The following C3orf20 variants were observed in gnomAD, a reference collection of about 807,000 sequenced individuals.
C3orf20 encodes uncharacterized protein C3orf20.
Under a neutral mutation model 88.3 loss-of-function variants are expected in C3orf20, and 76 were observed. The ratio of observed to expected loss-of-function variants is 0.86; its 90% confidence interval spans 0.72 to 1.04. The LOEUF (loss-of-function observed/expected upper bound fraction) is 1.04. Ranked by LOEUF, C3orf20 falls within the 50% of genes least tolerant of loss-of-function variation. C3orf20 has a pLI of 0.00. For missense variants in C3orf20, 1,056 were observed against 1,123.3 expected, an observed-to-expected ratio of 0.94 and a Z score of 0.86; for synonymous variants, 436 against 437.4, an observed-to-expected ratio of 1.00 and a Z score of 0.04.
intron 12 of C3orf20, among the ~76,000 whole-genome samples, chr3:14,756,343 T>G (rs887821009): frequency 7.2e-5 from 11 of 151,936 alleles, no homozygotes; most frequent in Non-Finnish European, 1.5e-4. Flanking sequence ...AAATATTGGT[T>G]TGAATATTTA....
chr3:14,755,945 C>T (rs1293871585), intron 12 of C3orf20, among the ~76,000 whole-genome samples: 1 of 145,248 alleles, frequency 6.9e-6, no homozygotes, highest in Non-Finnish European at 1.5e-5. Context: ...AGGAGAATGG[C>T]GTGAACCCGG....
intron 5 of C3orf20, among the ~76,000 whole-genome samples, chr3:14,694,241 T>A (rs544001305): frequency 6.6e-6 from 1 of 152,296 alleles, no homozygotes; most frequent in Non-Finnish European, 1.5e-5. Flanking sequence ...CCTCCTCTAT[T>A]TTTCAGAAAA....
At chr3:14,698,033 CTT>C in intron 5 of C3orf20, among the ~76,000 whole-genome samples, 1 of 152,228 alleles carries the variant, frequency 6.6e-6, no homozygotes, top group East Asian at 1.9e-4. Context: ...GTGCATGTGT[CTT>C]TATAGTAGCA....
chr3:14,691,425 A>G (rs998285356), intron 5 of C3orf20, among the ~76,000 whole-genome samples: 1 of 152,198 alleles, frequency 6.6e-6, no homozygotes, highest in Non-Finnish European at 1.5e-5. Flanking sequence ...TGGTGATTTA[A>G]TGACTTTTTC....
chr3:14,702,313 C>T (rs9866369), intron 5 of C3orf20, among the ~76,000 whole-genome samples: 96,554 of 151,938 alleles, frequency 0.64, 30,814 homozygotes, highest in East Asian at 0.67. Flanking sequence ...CAATTACCTC[C>T]CCCTGGGTCC....
At chr3:14,692,131 A>G (rs2032763946) in intron 5 of C3orf20, among the ~76,000 whole-genome samples, 1 of 152,054 alleles carries the variant, frequency 6.6e-6, no homozygotes, top group African/African-American at 2.4e-5. Flanking sequence ...CACTTTCTTC[A>G]TCCATTTATC....
intron 9 of C3orf20, among the ~76,000 whole-genome samples, chr3:14,720,974 C>T (rs898126612): frequency 1.3e-5 from 2 of 152,146 alleles, no homozygotes; most frequent in Non-Finnish European, 2.9e-5. Context: ...CTCAGTAAGG[C>T]GTGAGTTGTT....
intron 5 of C3orf20, among the ~76,000 whole-genome samples, chr3:14,692,114 T>C (rs2032763435): frequency 6.6e-6 from 1 of 152,244 alleles, no homozygotes; most frequent in Non-Finnish European, 1.5e-5. Flanking sequence ...ATTACGTGTA[T>C]GTACCACACT....
intron 8 of C3orf20, 137 bp downstream of exon 8, chr3:14,714,296 A>G (rs1389719071): frequency 3.2e-6 from 3 of 929,214 alleles, no homozygotes; most frequent in Non-Finnish European, 4.9e-6. Flanking sequence ...GCAGTGAGGC[A>G]GGGCTGAGGC....
At chr3:14,686,429 G>A (rs1285063704) in intron 4 of C3orf20, among the ~76,000 whole-genome samples, 1 of 152,156 alleles carries the variant, frequency 6.6e-6, no homozygotes, top group African/African-American at 2.4e-5. Context: ...CATAATGGCA[G>A]CACCAATCTC....
chr3:14,718,737 C>T (rs2034031861), intron 9 of C3orf20, among the ~76,000 whole-genome samples: 1 of 152,220 alleles, frequency 6.6e-6, no homozygotes, highest in South Asian at 2.1e-4. Context: ...AAACCACAAA[C>T]TTTGTTTCAC....
intron 1 of C3orf20, among the ~76,000 whole-genome samples, chr3:14,676,593 A>T (rs2031784033): frequency 6.6e-6 from 1 of 152,140 alleles, no homozygotes; most frequent in Admixed American, 6.5e-5. Flanking sequence ...ACAAACATCG[A>T]TCTTTATACA....
At chr3:14,698,222 AT>A (rs34586736) in intron 5 of C3orf20, among the ~76,000 whole-genome samples, 45,658 of 152,100 alleles carry the variant, frequency 0.3, 7,415 homozygotes, top group South Asian at 0.45. Flanking sequence ...CAAAACAGCT[AT>A]TTTAAATTCT....
intron 15 of C3orf20, 91 bp downstream of exon 15, chr3:14,761,706 G>A: frequency 1.6e-6 from 2 of 1,246,680 alleles, no homozygotes; most frequent in Non-Finnish European, 2.3e-6. Context: ...GAACTGAGGG[G>A]AGCAGGCGGG....
At position 14,682,973 on chromosome 3, in the gene C3orf20, A is replaced by G. The variant is rs759918484; in HGVS notation, c.260A>G (p.Gln87Arg). ...LVVLMEPTFV[Q>R]VPTLKKPLPP... Reference sequence around the variant, plus strand: ...GTGCTCATGGAACCCACCTTTGTGCAGGTCCCCACACTGAAGAAGCCACTA... The same window carrying G: ...GTGCTCATGGAACCCACCTTTGTGCGGGTCCCCACACTGAAGAAGCCACTA... The change falls in exon 3 of 17, where the codon CAG becomes CGG. Residue 87 changes from glutamine (Q) to arginine (R), a missense_variant. Gln to Arg is a conservative substitution (Grantham distance 43). Coordinates refer to ENST00000253697, the MANE Select transcript of C3orf20 (RefSeq NM_032137.5). The G allele has an allele frequency of 1.9e-6, 3 of 1,614,076 alleles. No individual in the cohort carries two copies. Among genetic ancestry groups the G allele is most frequent in the Middle Eastern group, 1.6e-4 (1 of 6,062 alleles).
intron 1 of C3orf20, among the ~76,000 whole-genome samples, chr3:14,676,581 TAACA>T (rs2031783051): frequency 6.6e-6 from 1 of 152,198 alleles, no homozygotes; most frequent in South Asian, 2.1e-4. Flanking sequence ...TAGTATGGTT[TAACA>T]AACATCGATC....
At position 14,761,511 on chromosome 3, in the gene C3orf20, T is replaced by G. The variant is rs779574749; in HGVS notation, c.2391T>G (p.Val797=). 6.2e-7 allele frequency: 1 copy of G among 1,614,010 alleles called. No individual in the cohort carries two copies. Among genetic ancestry groups the G allele is most frequent in the South Asian group, 1.1e-5 (1 of 91,066 alleles). The change falls in exon 15 of 17, where the codon GTT becomes GTG. Residue 797 remains valine, a synonymous_variant. Transcript: ENST00000253697. ...AGGKLIFGGR[V]LNGYGLSKQN... The stretch of plus-strand genomic sequence containing the variant: ...GGAAGCTCATTTTTGGGGGCCGTGT[T>G]TTGAATGGATATGGCCTCAGCAAGC...
At chr3:14,719,177 G>A (rs2034056996) in intron 9 of C3orf20, among the ~76,000 whole-genome samples, 1 of 150,740 alleles carries the variant, frequency 6.6e-6, no homozygotes, top group Non-Finnish European at 1.5e-5. Context: ...TATGAGGAAG[G>A]CAGCCTGTCA....
chr3:14,711,337 G>C (rs1419773450), intron 7 of C3orf20, among the ~76,000 whole-genome samples: 1 of 151,702 alleles, frequency 6.6e-6, no homozygotes, highest in Non-Finnish European at 1.5e-5. Context: ...ATATATTGAG[G>C]CTCTGTTATT....
Sources: gnomAD v4.1 joint callset for allele counts (sites outside exome capture counted in the v4.1 genomes callset) on GRCh38, gnomAD v4.1.1 for gene constraint, MANE v1.5 for transcripts, NCBI Gene and HGNC (gene_info 2026-07-23, HGNC 2026-07-21) for gene names.